GUCY1A1: variants seen among roughly 807,000 people sequenced by gnomAD.
GUCY1A1 encodes guanylate cyclase soluble subunit alpha-1.
GUCY1A1 carries 48 observed loss-of-function variants against 64.5 expected under a neutral mutation model. The observed-to-expected ratio is 0.74, with a 90% CI of 0.59 to 0.95. The LOEUF (loss-of-function observed/expected upper bound fraction) is 0.95. Among genes scored for constraint, GUCY1A1 ranks in the 40% least tolerant of loss-of-function variants. The pLI is 0.00. For missense variants in GUCY1A1, 804 were observed against 825.3 expected, an observed-to-expected ratio of 0.97 and a Z score of 0.32; for synonymous variants, 308 against 303.4, an observed-to-expected ratio of 1.02 and a Z score of -0.16.
At chr4:155,708,910 G>GA (rs1361002386) in intron 5 of GUCY1A1, among the ~76,000 whole-genome samples, 3 of 147,894 alleles carry the variant, frequency 2.0e-5, no homozygotes, top group Non-Finnish European at 4.5e-5. Context: ...TTACAGATAA[G>GA]AAAAAATGTG....
rs1213333068 is a variant in GUCY1A1 at position 155,732,699 on chromosome 4, A to T, written c.*2468A>T. On this transcript the variant is annotated 3_prime_UTR_variant, in exon 10 of 10. Transcript: ENST00000506455. ...AATAGTGGACAAACAGCCTGTAATC[A>T]GGTTGGGGATTACGGGTACTGAGTT... Among the ~76,000 whole-genome samples the T allele has an allele frequency of 1.3e-5, 2 of 151,884 alleles. No individual in the cohort carries two copies. The highest frequency in any genetic ancestry group is 2.9e-5 in the Non-Finnish European group (2 of 67,878).
rs1735901319 is a variant in GUCY1A1 at position 155,734,788 on chromosome 4, G to A, written c.*4557G>A. 1 of 151,902 alleles carries A rather than the reference G, an allele frequency of 6.6e-6. No homozygotes were observed. The highest frequency in any genetic ancestry group is 6.6e-5 in the Admixed American group (1 of 15,226). The allele number at this position is 151,902 out of a possible 1,614,324, so 9.4% of individuals were successfully genotyped here. On this transcript the variant is annotated 3_prime_UTR_variant, in exon 10 of 10. Transcript: ENST00000506455. ...AAGCAGTGACTGCTTAACTTATTAA[G>A]CAGAGAAAACCAAAATGTCATTTTC...
At position 155,732,535 on chromosome 4, in the gene GUCY1A1, C is replaced by T. The variant is rs978910564; in HGVS notation, c.*2304C>T. Reference sequence around the variant, plus strand: ...GAATATCTTTTTTTCTCTATCTTATCTGCTTTGAAGCATAGCGATTAGCGA... The same window carrying T: ...GAATATCTTTTTTTCTCTATCTTATTTGCTTTGAAGCATAGCGATTAGCGA... On this transcript the variant is annotated 3_prime_UTR_variant, in exon 10 of 10. Coordinates refer to ENST00000506455, the MANE Select transcript of GUCY1A1 (RefSeq NM_001130682.3). Among the ~76,000 whole-genome samples the T allele has an allele frequency of 1.3e-5, 2 of 151,848 alleles. No homozygotes were observed. Among genetic ancestry groups the T allele is most frequent in the Admixed American group, 1.3e-4 (2 of 15,214 alleles).
At chr4:155,678,200 A>T (rs1289421938) in intron 2 of GUCY1A1, among the ~76,000 whole-genome samples, 1 of 152,184 alleles carries the variant, frequency 6.6e-6, no homozygotes, top group East Asian at 1.9e-4. Flanking sequence ...ATCACATGTC[A>T]TGTAGTCTCT....
chr4:155,676,460 G>C (rs1374292476), intron 2 of GUCY1A1, among the ~76,000 whole-genome samples: 1 of 151,242 alleles, frequency 6.6e-6, no homozygotes, highest in African/African-American at 2.5e-5. Context: ...CTTAACATTG[G>C]ATCTGTTTCA....
At chr4:155,702,509 A>T (rs997680310) in intron 3 of GUCY1A1, among the ~76,000 whole-genome samples, 13 of 152,268 alleles carry the variant, frequency 8.5e-5, no homozygotes, top group Admixed American at 2.6e-4. Flanking sequence ...TCTTTCTTGA[A>T]CATGTTTCTC....
chr4:155,732,821 G>A lies in GUCY1A1; in HGVS notation c.*2590G>A, dbSNP rs939723841. On this transcript the variant is annotated 3_prime_UTR_variant, in exon 10 of 10. Transcript: ENST00000506455. ...TGAAAATGCAGGAGCTATTCTTTCT[G>A]TTCTGGTTATATAGTTTCCATTCAT... Among the ~76,000 whole-genome samples the A allele has an allele frequency of 6.6e-6, 1 of 151,828 alleles. No individual in the cohort carries two copies. Among genetic ancestry groups the A allele is most frequent in the African/African-American group, 2.4e-5 (1 of 41,380 alleles).
rs754452166 is a variant in GUCY1A1, at chr4:155,708,314, A to T, written c.376+20A>T. 2 of 1,372,220 alleles carry T rather than the reference A, an allele frequency of 1.5e-6. No homozygotes were observed. The highest frequency in any genetic ancestry group is 1.2e-5 in the South Asian group (1 of 85,204). The allele number at this position is 1,372,220 out of a possible 1,614,324, so 85.0% of individuals were successfully genotyped here. On this transcript the variant is annotated intron_variant, in intron 5 of 9. Coordinates refer to ENST00000506455, the MANE Select transcript of GUCY1A1 (RefSeq NM_001130682.3). ...CAGCAGGTAATAGAATTGTTTATGT[A>T]ATTAGAAAGTATGCCATATACCTGT...
chr4:155,726,483 T>C (rs573824061), intron 9 of GUCY1A1, among the ~76,000 whole-genome samples: 1 of 152,084 alleles, frequency 6.6e-6, no homozygotes, highest in Admixed American at 6.6e-5. Context: ...AAGCACAAAA[T>C]GCAGTTTTCT....
intron 3 of GUCY1A1, among the ~76,000 whole-genome samples, chr4:155,703,664 G>C (rs1232532687): frequency 6.6e-6 from 1 of 152,158 alleles, no homozygotes; most frequent in African/African-American, 2.4e-5. Context: ...GGCTGTCAGT[G>C]AGACCACCAC....
At position 155,713,320 on chromosome 4, in the gene GUCY1A1, G is replaced by C. The variant is rs1233854254; in HGVS notation, c.1309G>C (p.Glu437Gln). 1.2e-6 allele frequency: 2 copies of C among 1,614,170 alleles called. No homozygotes were observed. The highest frequency in any genetic ancestry group is 3.3e-5 in the Admixed American group (2 of 60,026). Residue 437 changes from glutamate to glutamine, a missense_variant, in exon 7 of 10, where the codon GAG becomes CAG. Glu to Gln is a conservative substitution (Grantham distance 29, BLOSUM62 2). Transcript: ENST00000506455. ...KRLGKLKATL[E>Q]QAHQALEEEK... ...GCTGGGGAAGCTGAAGGCTACCCTT[G>C]AGCAAGCCCACCAAGCCCTGGAGGA... is the stretch of plus-strand genomic sequence containing the variant.
At position 155,731,154 on chromosome 4, in the gene GUCY1A1, C is replaced by T. The variant is rs1433727196; in HGVS notation, c.*923C>T. The T allele has an allele frequency of 3.9e-5, 6 of 152,152 alleles. No homozygotes were observed. Among genetic ancestry groups the T allele is most frequent in the African/African-American group, 7.2e-5 (3 of 41,408 alleles). 9.4% of individuals were successfully genotyped at this position (152,152 alleles called of 1,614,324 possible). ...AGGACATTGGTAAAACATTTACACA[C>T]GTAAACACACGTGCAGGCACACTTG... On this transcript the variant is annotated 3_prime_UTR_variant, in exon 10 of 10. Transcript: ENST00000506455.
In GUCY1A1 at chr4:155,733,147, G is replaced by T. The variant is rs891592404; in HGVS notation, c.*2916G>T. Among the ~76,000 whole-genome samples the T allele has an allele frequency of 2.6e-5, 4 of 151,736 alleles. No homozygotes were observed. Among genetic ancestry groups the T allele is most frequent in the Non-Finnish European group, 5.9e-5 (4 of 67,852 alleles). On this transcript the variant is annotated 3_prime_UTR_variant, in exon 10 of 10. Transcript: ENST00000506455. ...TTATTGAATGCCTACTATGTGCCAG[G>T]AATATTGCTATATTTTTGAAATTTA...
At chr4:155,693,676 C>T (rs1458223716) in intron 2 of GUCY1A1, among the ~76,000 whole-genome samples, 4 of 152,160 alleles carry the variant, frequency 2.6e-5, no homozygotes, top group Non-Finnish European at 4.4e-5. Context: ...AAACACTTAA[C>T]TATCTTAAAG....
chr4:155,696,666 TGAC>T, intron 2 of GUCY1A1, 87 bp from the exon 3 acceptor site: 1 of 470,006 alleles, frequency 2.1e-6, no homozygotes, highest in Non-Finnish European at 3.8e-6. Flanking sequence ...GAGAATGACA[TGAC>T]TATTGCTTTT....
chr4:155,681,714 G>T (rs1735802311), intron 2 of GUCY1A1, among the ~76,000 whole-genome samples: 1 of 152,074 alleles, frequency 6.6e-6, no homozygotes, highest in South Asian at 2.1e-4. Context: ...TAAACATGAG[G>T]ATTCCCTGGA....
Position 155,696,780 on chromosome 4 carries a change from A to T in GUCY1A1, c.-88A>T. 4 of 1,260,704 alleles carry T rather than the reference A, an allele frequency of 3.2e-6. No homozygotes were observed. Among genetic ancestry groups the T allele is most frequent in the Non-Finnish European group, 4.5e-6 (4 of 884,354 alleles). 78.1% of individuals were successfully genotyped at this position (1,260,704 alleles called of 1,614,324 possible). A position where few individuals can be genotyped will look rare whatever the true frequency, so the allele number is the denominator to read the frequency against. The stretch of plus-strand genomic sequence containing the variant: ...GACATCCCAGTTACCAGTGTCCTTG[A>T]ATTGATAGTGGCTTCTGTTTGTCAG... On this transcript the variant is annotated 5_prime_UTR_variant, in exon 3 of 10. It removes the in-frame stop codon of an upstream open reading frame in the 5' UTR. Transcript: ENST00000506455.
Position 155,735,875 on chromosome 4 carries a change from C to T in GUCY1A1, c.*5644C>T, listed in dbSNP as rs748927912. ...GCAACAGTGGTCTGGGAATTCTGGGCCTTTAGAAATAATCATTCCCAGTGA... is the reference window on the plus strand; with the variant it reads ...GCAACAGTGGTCTGGGAATTCTGGGTCTTTAGAAATAATCATTCCCAGTGA... On this transcript the variant is annotated 3_prime_UTR_variant, in exon 10 of 10. Coordinates refer to ENST00000506455, the MANE Select transcript of GUCY1A1 (RefSeq NM_001130682.3). The T allele has an allele frequency of 6.6e-6, 1 of 151,882 alleles. No individual in the cohort carries two copies. The highest frequency in any genetic ancestry group is 1.5e-5 in the Non-Finnish European group (1 of 67,906). 9.4% of individuals were successfully genotyped at this position (151,882 alleles called of 1,614,324 possible).
chr4:155,706,511 G>A (rs958133744), intron 4 of GUCY1A1, among the ~76,000 whole-genome samples: 3 of 150,018 alleles, frequency 2.0e-5, no homozygotes, highest in Non-Finnish European at 4.4e-5. Context: ...GACTAGAGCT[G>A]CCCCCCTCCT....
Sources: allele counts gnomAD v4.1 joint callset (sites outside exome capture counted in the v4.1 genomes callset), GRCh38; gene constraint gnomAD v4.1.1; transcripts MANE v1.5; gene names NCBI Gene and HGNC (gene_info 2026-07-23, HGNC 2026-07-21).